The following LRP1B variants were observed in gnomAD, a reference collection of about 807,000 sequenced individuals.
LRP1B encodes low-density lipoprotein receptor-related protein 1B.
LRP1B carries 217 observed loss-of-function variants against 556.6 expected under a neutral mutation model. The ratio of observed to expected loss-of-function variants is 0.39; its 90% CI spans 0.35 to 0.44. LRP1B has a LOEUF of 0.44. Among genes scored for constraint, LRP1B ranks in the 20% least tolerant of loss-of-function variants. LRP1B has a pLI of 1.00. For missense variants in LRP1B, 5,053 were observed against 5,620.8 expected (o/e 0.90, Z 3.23); for synonymous variants, 2,047 against 1,865.8 (o/e 1.10, Z -2.50).
chr2:140,975,486 A>G (rs1190322864), intron 18 of LRP1B, among the ~76,000 whole-genome samples: 2 of 138,998 alleles, frequency 1.4e-5, no homozygotes, highest in Admixed American at 7.8e-5. Flanking sequence ...AGCTAAAGTT[A>G]TATAAGCAGG....
At chr2:140,638,868 G>A (rs1004960712) in intron 41 of LRP1B, among the ~76,000 whole-genome samples, 1 of 151,056 alleles carries the variant, frequency 6.6e-6, no homozygotes, top group Non-Finnish European at 1.5e-5. Flanking sequence ...ATATAAATAT[G>A]AAATTATGTA....
rs370950643 is a variant in LRP1B at position 140,840,070 on chromosome 2, G to A, written c.5130C>T (p.Thr1710=). The change falls in exon 31 of 91, where the codon ACC becomes ACT. Residue 1710 remains threonine (T), a synonymous_variant. Transcript: ENST00000389484. ...TTGCCATGTTAATTGTGTTTCCATC[G>A]GTCCAGTAGAGTTTTCTTAATTCAA... is the stretch of plus-strand genomic sequence containing the variant. The part of the protein sequence containing the change: ...AHPVRGKLYW[T]DGNTINMANM... 53 of 1,603,690 alleles carry A rather than the reference G, an allele frequency of 3.3e-5. No homozygotes were observed. The highest frequency in any genetic ancestry group is 3.8e-5 in the Non-Finnish European group (45 of 1,175,430).
chr2:141,309,130 T>C (rs1686714951), intron 3 of LRP1B, among the ~76,000 whole-genome samples: 1 of 152,186 alleles, frequency 6.6e-6, no homozygotes, highest in Non-Finnish European at 1.5e-5. Context: ...CTGCCAGGAT[T>C]CTCTGTTTAT....
chr2:141,991,058 A>G (rs1046941833), intron 1 of LRP1B, among the ~76,000 whole-genome samples: 4 of 152,184 alleles, frequency 2.6e-5, no homozygotes, highest in Admixed American at 2.6e-4. Flanking sequence ...TCATCATATC[A>G]TACTGAAGGC....
intron 67 of LRP1B, among the ~76,000 whole-genome samples, chr2:140,379,239 C>A (rs966184104): frequency 6.6e-6 from 1 of 152,164 alleles, no homozygotes; most frequent in Non-Finnish European, 1.5e-5. Context: ...CAATAACTAA[C>A]AGACATTAAG....
intron 7 of LRP1B, among the ~76,000 whole-genome samples, chr2:141,116,686 T>C (rs1700907768): frequency 6.6e-6 from 1 of 151,892 alleles, no homozygotes; most frequent in African/African-American, 2.4e-5. Context: ...AAGTATGTAT[T>C]TGATTTCCTT....
intron 2 of LRP1B, among the ~76,000 whole-genome samples, chr2:141,497,281 A>C (rs1683541662): frequency 6.6e-6 from 1 of 151,986 alleles, no homozygotes; most frequent in Admixed American, 6.6e-5. Flanking sequence ...AGGACATTTC[A>C]AAATACTTTT....
At chr2:141,127,003 C>T (rs1701230879) in intron 7 of LRP1B, among the ~76,000 whole-genome samples, 2 of 151,976 alleles carry the variant, frequency 1.3e-5, no homozygotes, top group Admixed American at 6.6e-5. Flanking sequence ...AATGCTATCC[C>T]TCCCCCACCC....
At chr2:141,964,518 G>T (rs1235790272) in intron 1 of LRP1B, among the ~76,000 whole-genome samples, 1 of 151,610 alleles carries the variant, frequency 6.6e-6, no homozygotes. Context: ...TTAATAAATG[G>T]TGCTGGGAAA....
At chr2:140,908,344 TAC>T (rs1283591947) in intron 21 of LRP1B, among the ~76,000 whole-genome samples, 9 of 121,428 alleles carry the variant, frequency 7.4e-5, no homozygotes, top group Non-Finnish European at 1.3e-4. Flanking sequence ...TATATATATA[TAC>T]ATATATTTAT....
chr2:141,956,285 G>A (rs1701250117), intron 1 of LRP1B, among the ~76,000 whole-genome samples: 1 of 151,878 alleles, frequency 6.6e-6, no homozygotes, highest in African/African-American at 2.4e-5. Flanking sequence ...TTAAATTTTT[G>A]CAAAATTAAT....
intron 2 of LRP1B, among the ~76,000 whole-genome samples, chr2:141,662,418 G>A (rs1185296490): frequency 1.3e-5 from 2 of 152,106 alleles, no homozygotes; most frequent in Admixed American, 6.5e-5. Flanking sequence ...CCATCAAAGT[G>A]CTGTGTCCAA....
chr2:141,974,994 A>G (rs896878304), intron 1 of LRP1B, among the ~76,000 whole-genome samples: 1 of 152,070 alleles, frequency 6.6e-6, no homozygotes, highest in Non-Finnish European at 1.5e-5. Flanking sequence ...ATTTTGAAAT[A>G]ATGTATTATA....
chr2:141,950,650 T>C (rs538813201), intron 1 of LRP1B, among the ~76,000 whole-genome samples: 2 of 152,286 alleles, frequency 1.3e-5, no homozygotes, highest in Admixed American at 6.5e-5. Flanking sequence ...ATATTAAATA[T>C]GCTTTTTTTT....
At chr2:141,631,284 G>A (rs1249810108) in intron 2 of LRP1B, among the ~76,000 whole-genome samples, 1 of 152,018 alleles carries the variant, frequency 6.6e-6, no homozygotes, top group African/African-American at 2.4e-5. Flanking sequence ...CTCCCACTGG[G>A]TCTCTTCCAT....
At chr2:141,724,793 GAAC>G (rs1226111603) in intron 2 of LRP1B, among the ~76,000 whole-genome samples, 1 of 151,966 alleles carries the variant, frequency 6.6e-6, no homozygotes, top group Non-Finnish European at 1.5e-5. Flanking sequence ...GTGTTCATCA[GAAC>G]AATAATCTTA....
intron 66 of LRP1B, among the ~76,000 whole-genome samples, chr2:140,421,842 T>C (rs1573918920): frequency 6.6e-6 from 1 of 152,166 alleles, no homozygotes; most frequent in East Asian, 1.9e-4. Flanking sequence ...AAGCTCTGCT[T>C]CTAGTAACTC....
At chr2:141,038,214 C>T (rs190548425) in intron 11 of LRP1B, among the ~76,000 whole-genome samples, 36 of 151,978 alleles carry the variant, frequency 2.4e-4, no homozygotes, top group African/African-American at 6.5e-4. Flanking sequence ...GCAACAAATA[C>T]GCCCTCCAGT....
intron 47 of LRP1B, among the ~76,000 whole-genome samples, chr2:140,529,859 T>C (rs149573235): frequency 2.0e-5 from 3 of 152,090 alleles, no homozygotes; most frequent in Non-Finnish European, 2.9e-5. Context: ...GACGAACTTA[T>C]GAACAATGCC....
Sources: gnomAD v4.1 joint callset for allele counts (sites outside exome capture counted in the v4.1 genomes callset) on GRCh38, gnomAD v4.1.1 for gene constraint, MANE v1.5 for transcripts, NCBI Gene and HGNC (gene_info 2026-07-23, HGNC 2026-07-21) for gene names.